The following ZSWIM6 variants were observed in gnomAD, a reference collection of about 807,000 sequenced individuals.
ZSWIM6 encodes zinc finger SWIM-type containing 6.
Under a neutral mutation model 113.2 loss-of-function variants are expected in ZSWIM6, and 9 were observed. That is an observed-to-expected ratio of 0.08 (90% CI 0.05 to 0.14). The LOEUF (loss-of-function observed/expected upper bound fraction) is 0.14. Among genes scored for constraint, ZSWIM6 ranks in the 10% least tolerant of loss-of-function variants. The pLI is 1.00. For synonymous variants in ZSWIM6, 611 were observed against 606.5 expected (o/e 1.01, Z -0.11); for missense variants, 1,162 against 1,552.2 (o/e 0.75, Z 4.22).
chr5:61,414,278 T>C (rs1407411700), intron 1 of ZSWIM6, among the ~76,000 whole-genome samples: 1 of 152,044 alleles, frequency 6.6e-6, no homozygotes, highest in Non-Finnish European at 1.5e-5. Context: ...AATTTAGTGA[T>C]GGCATTGGAT....
intron 1 of ZSWIM6, among the ~76,000 whole-genome samples, chr5:61,432,434 T>G (rs900186896): frequency 1.3e-5 from 2 of 152,228 alleles, no homozygotes; most frequent in Admixed American, 6.5e-5. Flanking sequence ...TCCTTGCATA[T>G]TAATTGAAAC....
At chr5:61,527,635 CCTT>C (rs765035425) in intron 7 of ZSWIM6, among the ~76,000 whole-genome samples, 1 of 152,080 alleles carries the variant, frequency 6.6e-6, no homozygotes, top group East Asian at 1.9e-4. Flanking sequence ...TTTCTGAAAT[CCTT>C]CTTCCTTCAA....
At chr5:61,335,786 T>G (rs1016492395) in intron 1 of ZSWIM6, among the ~76,000 whole-genome samples, 2 of 152,240 alleles carry the variant, frequency 1.3e-5, no homozygotes, top group African/African-American at 2.4e-5. Flanking sequence ...TTGAGGGGTT[T>G]GTTAGAAATT....
chr5:61,424,878 C>T (rs1746433764), intron 1 of ZSWIM6, among the ~76,000 whole-genome samples: 1 of 151,968 alleles, frequency 6.6e-6, no homozygotes, highest in African/African-American at 2.4e-5. Flanking sequence ...CAGGCGCCCG[C>T]CACCACGCCC....
chr5:61,425,289 T>G (rs977530008), intron 1 of ZSWIM6, among the ~76,000 whole-genome samples: 4 of 152,210 alleles, frequency 2.6e-5, no homozygotes, highest in African/African-American at 9.6e-5. Context: ...TTCATAGAAT[T>G]GATGAAATAT....
At chr5:61,430,823 A>T (rs1746565936) in intron 1 of ZSWIM6, among the ~76,000 whole-genome samples, 1 of 152,204 alleles carries the variant, frequency 6.6e-6, no homozygotes, top group Non-Finnish European at 1.5e-5. Flanking sequence ...AATGAAACCG[A>T]AGTATTTTCT....
intron 1 of ZSWIM6, among the ~76,000 whole-genome samples, chr5:61,356,770 A>G (rs911258900): frequency 7.1e-6 from 1 of 140,186 alleles, no homozygotes. Context: ...AATATGTATA[A>G]TATATATATA....
Position 61,502,958 on chromosome 5 carries a change from C to G in ZSWIM6, c.1333+8548C>G, listed in dbSNP as rs1004136666. Among the ~76,000 whole-genome samples, 2 of 152,202 alleles carry G rather than the reference C, an allele frequency of 1.3e-5. 1 individual carries two copies. ...AAAAATTTTCTTCCACAAAGCCAGT[C>G]CCTGGTGCCAAAAAGGTTGGGGACT... On this transcript the variant is annotated intron_variant, in intron 4 of 13. Coordinates refer to ENST00000252744, the MANE Select transcript of ZSWIM6 (RefSeq NM_020928.2).
intron 5 of ZSWIM6, among the ~76,000 whole-genome samples, chr5:61,524,582 C>G (rs1275050970): frequency 2.6e-5 from 4 of 152,182 alleles, no homozygotes; most frequent in African/African-American, 9.6e-5. Flanking sequence ...ACTTCCCTTG[C>G]TTTTCAGTTC....
intron 1 of ZSWIM6, among the ~76,000 whole-genome samples, chr5:61,467,234 AAAAT>A (rs1402653131): frequency 1.3e-5 from 2 of 152,226 alleles, no homozygotes; most frequent in African/African-American, 4.8e-5. Context: ...TAAAAAGAAA[AAAAT>A]ATCTATATCA....
intron 4 of ZSWIM6, among the ~76,000 whole-genome samples, chr5:61,505,681 T>TCCCACCC (rs1748593544): frequency 1.4e-5 from 1 of 69,714 alleles, no homozygotes; most frequent in African/African-American, 6.4e-5. Flanking sequence ...CTTCTTTCCT[T>TCCCACCC]GCCTCCCTCC....
intron 1 of ZSWIM6, among the ~76,000 whole-genome samples, chr5:61,397,971 C>T (rs778563247): frequency 2.0e-5 from 3 of 152,206 alleles, no homozygotes; most frequent in Non-Finnish European, 4.4e-5. Context: ...TATACTTAGT[C>T]TTCCCTGCTG....
intron 1 of ZSWIM6, among the ~76,000 whole-genome samples, chr5:61,402,754 T>G (rs1301491645): frequency 6.6e-6 from 1 of 152,230 alleles, no homozygotes; most frequent in Non-Finnish European, 1.5e-5. Flanking sequence ...AAAGTTGTTA[T>G]TCCCACAATA....
At chr5:61,384,972 A>T (rs898332272) in intron 1 of ZSWIM6, among the ~76,000 whole-genome samples, 3 of 152,172 alleles carry the variant, frequency 2.0e-5, no homozygotes, top group African/African-American at 7.2e-5. Context: ...AGGCAGGAGA[A>T]TGGCGTGAAC....
chr5:61,506,146 A>G lies in ZSWIM6; in HGVS notation c.1333+11736A>G, dbSNP rs151078669. ...ACCAATTGTGTGCCATTTAGCTAAC[A>G]GTTTTGCCATGCTTGACCGGAGCAA... On this transcript the variant is annotated intron_variant, in intron 4 of 13. Transcript: ENST00000252744. 6.4e-3 allele frequency among the ~76,000 whole-genome samples: 979 copies of G among 152,298 alleles called. 7 individuals carry two copies. Among genetic ancestry groups the G allele is most frequent in the African/African-American group, 0.02 (848 of 41,570 alleles).
intron 1 of ZSWIM6, among the ~76,000 whole-genome samples, chr5:61,412,153 A>G (rs557893563): frequency 9.2e-5 from 14 of 152,336 alleles, no homozygotes; most frequent in East Asian, 7.7e-4. Context: ...ATTGCTTCCA[A>G]TGAATCACAG....
chr5:61,462,631 A>G (rs1456212864), intron 1 of ZSWIM6, among the ~76,000 whole-genome samples: 2 of 152,218 alleles, frequency 1.3e-5, no homozygotes, highest in East Asian at 1.9e-4. Flanking sequence ...CACTTACACT[A>G]ACGGGCTAGG....
At chr5:61,455,239 T>C (rs1747179162) in intron 1 of ZSWIM6, among the ~76,000 whole-genome samples, 1 of 152,224 alleles carries the variant, frequency 6.6e-6, no homozygotes, top group African/African-American at 2.4e-5. Flanking sequence ...TAAGTAATTT[T>C]AGAATTTTCC....
chr5:61,495,827 G>A (rs1748300718), intron 4 of ZSWIM6, among the ~76,000 whole-genome samples: 1 of 152,010 alleles, frequency 6.6e-6, no homozygotes, highest in Non-Finnish European at 1.5e-5. Flanking sequence ...AAAAGGATTA[G>A]CATTAAGAAA....
Sources: allele counts gnomAD v4.1 joint callset (sites outside exome capture counted in the v4.1 genomes callset), GRCh38; gene constraint gnomAD v4.1.1; transcripts MANE v1.5; gene names NCBI Gene and HGNC (gene_info 2026-07-23, HGNC 2026-07-21).